Variants in PCDH15 observed in about 807,000 individuals in gnomAD.
The protein encoded by PCDH15 is protocadherin-15.
In PCDH15, 129 loss-of-function variants were observed where a neutral mutation model predicts 178.5. The ratio of observed to expected loss-of-function variants is 0.72; its 90% CI spans 0.63 to 0.84. The LOEUF (loss-of-function observed/expected upper bound fraction) is 0.84, where lower values mean the gene tolerates loss of function less well. PCDH15 is among the 40% of genes least tolerant of loss of function. PCDH15 has a pLI of 0.00. For synonymous variants in PCDH15, 800 were observed against 732.0 expected (o/e 1.09, Z -1.50); for missense variants, 2,230 against 2,099.9 (o/e 1.06, Z -1.21).
chr10:53,951,553 C>T (rs1227583881), intron 23 of PCDH15, among the ~76,000 whole-genome samples: 1 of 152,164 alleles, frequency 6.6e-6, no homozygotes, highest in Middle Eastern at 3.4e-3. Context: ...CTGAAGGAAC[C>T]AAATAAAAGA....
intron 1 of PCDH15, among the ~76,000 whole-genome samples, chr10:54,748,189 C>T (rs1353156927): frequency 6.6e-6 from 1 of 152,092 alleles, no homozygotes; most frequent in East Asian, 1.9e-4. Context: ...TAATAGGATG[C>T]TTTGAGAAAA....
chr10:55,344,286 C>T (rs7894114), intron 2 of PCDH15, among the ~76,000 whole-genome samples: 9,464 of 152,002 alleles, frequency 0.062, 684 homozygotes, highest in African/African-American at 0.18. Context: ...ATATAGATAG[C>T]CGTTAGAAAA....
intron 1 of PCDH15, among the ~76,000 whole-genome samples, chr10:54,675,889 G>A (rs1394046121): frequency 2.0e-5 from 3 of 152,006 alleles, no homozygotes; most frequent in Non-Finnish European, 4.4e-5. Flanking sequence ...AAAAAGAAAC[G>A]TATCATTTTC....
chr10:54,507,448 G>A (rs1207676520), intron 3 of PCDH15, among the ~76,000 whole-genome samples: 1 of 151,620 alleles, frequency 6.6e-6, no homozygotes, highest in African/African-American at 2.4e-5. Flanking sequence ...ATAAAAGGAT[G>A]CATTCCTTTT....
intron 2 of PCDH15, among the ~76,000 whole-genome samples, chr10:55,508,789 A>G (rs1840816077): frequency 6.6e-6 from 1 of 151,692 alleles, no homozygotes; most frequent in South Asian, 2.1e-4. Context: ...AATAAAATTA[A>G]TAACTATAAT....
Position 53,857,417 on chromosome 10 carries a change from T to C in PCDH15, c.3718-154A>G, listed in dbSNP as rs7083307. Among the ~76,000 whole-genome samples, 92,225 of 147,844 alleles carry C rather than the reference T, an allele frequency of 0.62. 29,771 individuals are homozygous for C. The highest frequency in any genetic ancestry group is 0.97 in the East Asian group (4,876 of 5,048). On this transcript the variant is annotated intron_variant, in intron 27 of 37. Transcript: ENST00000644397. ...AAATATATATACATTTTTAATTATA[T>C]GATCTACACAAGGGGTTGGAGACTA... is the stretch of plus-strand genomic sequence containing the variant.
At chr10:55,265,150 C>A (rs1842250572) in intron 1 of PCDH15, among the ~76,000 whole-genome samples, 2 of 152,156 alleles carry the variant, frequency 1.3e-5, no homozygotes, top group East Asian at 1.9e-4. Flanking sequence ...CTCACTCTTG[C>A]CCCTCCAACA....
At chr10:55,511,735 T>C (rs1439636364) in intron 2 of PCDH15, among the ~76,000 whole-genome samples, 1 of 152,074 alleles carries the variant, frequency 6.6e-6, no homozygotes, top group Non-Finnish European at 1.5e-5. Flanking sequence ...AAAATCTTAG[T>C]TGATTCAGTT....
chr10:55,012,328 A>G (rs1840063713), intron 2 of PCDH15, among the ~76,000 whole-genome samples: 1 of 152,126 alleles, frequency 6.6e-6, no homozygotes, highest in Admixed American at 6.6e-5. Flanking sequence ...AAAATGTTCA[A>G]AATTAAGATA....
rs140063605 is a variant in PCDH15, at chr10:55,569,348, T to C, written c.-156+58277A>G. Among the ~76,000 whole-genome samples, 910 of 152,136 alleles carry C rather than the reference T, an allele frequency of 6.0e-3. 10 individuals carry two copies. The highest frequency in any genetic ancestry group is 0.021 in the African/African-American group (880 of 41,554). On this transcript the variant is annotated intron_variant, in intron 2 of 5. Coordinates refer to the PCDH15 transcript ENST00000613346. ...AAATGCAGCAAGATAAACCTTTAGC[T>C]TTCCAGGTCATATATAAGCATCTGT...
intron 26 of PCDH15, among the ~76,000 whole-genome samples, chr10:53,878,221 T>TATATATATATATATATATTCTAC (rs1564665188): frequency 6.2e-4 from 12 of 19,378 alleles, no homozygotes; most frequent in African/African-American, 1.2e-3. Context: ...TTTGAATATA[T>TATATATATATATATATATTCTAC]ATATATATAT....
At chr10:54,312,602 C>T (rs866595144) in intron 8 of PCDH15, among the ~76,000 whole-genome samples, 57 of 152,228 alleles carry the variant, frequency 3.7e-4, no homozygotes, top group African/African-American at 1.3e-3. Flanking sequence ...GAAGCCCCAA[C>T]AGCCTATAAG....
intron 1 of PCDH15, among the ~76,000 whole-genome samples, chr10:55,302,243 T>G (rs1403555073): frequency 6.6e-6 from 1 of 152,188 alleles, no homozygotes; most frequent in Non-Finnish European, 1.5e-5. Context: ...TTTCTTCATT[T>G]ATTTAGGTTT....
chr10:54,895,676 AT>A (rs1381493694), intron 3 of PCDH15, among the ~76,000 whole-genome samples: 2 of 152,080 alleles, frequency 1.3e-5, no homozygotes, highest in Admixed American at 6.6e-5. Flanking sequence ...TTAATTTGGG[AT>A]ATTTTTATTG....
intron 2 of PCDH15, among the ~76,000 whole-genome samples, chr10:55,336,057 G>A (rs977215493): frequency 7.6e-6 from 1 of 132,358 alleles, no homozygotes; most frequent in Admixed American, 9.0e-5. Flanking sequence ...TGGGGAATTG[G>A]TTTGTGTATT....
intron 2 of PCDH15, among the ~76,000 whole-genome samples, chr10:55,122,041 A>G (rs1459482460): frequency 6.6e-6 from 1 of 152,212 alleles, no homozygotes; most frequent in Non-Finnish European, 1.5e-5. Flanking sequence ...CTGGAGGAAT[A>G]GGAAAAAGAA....
In PCDH15 at chr10:53,883,742, G is replaced by A. The variant is rs536687132; in HGVS notation, c.3502-16885C>T. 5.9e-5 allele frequency among the ~76,000 whole-genome samples: 9 copies of A among 152,306 alleles called. No individual in the cohort carries two copies. The East Asian group carries it at 1.4e-3, about 23-fold the overall frequency. ...AGGCTTTTGTTTTGTTTGAGATGGA[G>A]TCTCACTCTCTTGCCCAGGCTGGAG... On this transcript the variant is annotated intron_variant, in intron 26 of 37. Transcript: ENST00000644397.
chr10:54,203,136 C>T (rs974219643), intron 10 of PCDH15, among the ~76,000 whole-genome samples: 4 of 152,102 alleles, frequency 2.6e-5, no homozygotes, highest in Admixed American at 2.0e-4. Flanking sequence ...AATGTTGTCA[C>T]GCCAGAAGAT....
At chr10:55,350,386 T>C (rs1362408874) in intron 2 of PCDH15, among the ~76,000 whole-genome samples, 1 of 150,930 alleles carries the variant, frequency 6.6e-6, no homozygotes, top group East Asian at 2.0e-4. Flanking sequence ...TGCGAATGGG[T>C]ACTTTAGAAT....
Sources: allele counts gnomAD v4.1 joint callset (sites outside exome capture counted in the v4.1 genomes callset), GRCh38; gene constraint gnomAD v4.1.1; transcripts MANE v1.5; gene names NCBI Gene and HGNC (gene_info 2026-07-23, HGNC 2026-07-21).